ZNF280C: variants seen among roughly 807,000 people sequenced by gnomAD.
The protein encoded by ZNF280C is zinc finger protein 280C.
Under a neutral mutation model 53.6 loss-of-function variants are expected in ZNF280C, and 14 were observed. The ratio of observed to expected loss-of-function variants is 0.26; its 90% CI spans 0.17 to 0.41. The LOEUF is 0.41. Among genes scored for constraint, ZNF280C ranks in the 10% least tolerant of loss-of-function variants. The probability of loss-of-function intolerance (pLI) is 1.00; values close to 1 mark genes in which losing one functional copy is unlikely to be tolerated. For synonymous variants in ZNF280C, 203 were observed against 181.1 expected (o/e 1.12, Z -0.97); for missense variants, 416 against 547.1 (o/e 0.76, Z 2.39).
intron 2 of ZNF280C, among the ~76,000 whole-genome samples, chrX:130,256,982 C>T (rs995249913): frequency 3.7e-5 from 4 of 109,090 alleles, no homozygotes; most frequent in Admixed American, 9.9e-5. Context: ...AGGCAGATCA[C>T]GGGGTCAGGA....
At position 130,247,602 on chromosome X, in the gene ZNF280C, T is replaced by C. The variant is rs775361308; in HGVS notation, c.32-597A>G. ...GGCTAGACAGATAGATAATGAAGGA[T>C]AGTAGTCATTTACAGTGGCCAATAC... On this transcript the variant is annotated intron_variant, in intron 2 of 18. Transcript: ENST00000370978. Among the ~76,000 whole-genome samples, 20 of 111,780 alleles carry C rather than the reference T, an allele frequency of 1.8e-4. No individual in the cohort carries two copies. The South Asian group carries it at 7.5e-3, about 42-fold the overall frequency.
intron 2 of ZNF280C, among the ~76,000 whole-genome samples, chrX:130,252,857 A>G (rs1292747880): frequency 8.9e-6 from 1 of 112,284 alleles, no homozygotes; most frequent in African/African-American, 3.2e-5. Context: ...AACCAGCACA[A>G]GACAAGGATG....
chrX:130,221,300 CTAAG>C (rs2032161014), intron 12 of ZNF280C, among the ~76,000 whole-genome samples: 1 of 111,734 alleles, frequency 8.9e-6, no homozygotes, highest in African/African-American at 3.3e-5. Flanking sequence ...AAAATCTCAG[CTAAG>C]TAATAGACAG....
chrX:130,239,684 T>C lies in ZNF280C; in HGVS notation c.391A>G (p.Lys131Glu). Reference sequence around the variant, plus strand: ...TTATCCGATCCAACTTGTGAATTCTTTGTAAAATCCTGTAAAAATTTATAA... The same window carrying C: ...TTATCCGATCCAACTTGTGAATTCTCTGTAAAATCCTGTAAAAATTTATAA... The part of the protein sequence containing the change: ...VENASKPDFT[K>E]NSQVGSDNSS... Residue 131 changes from lysine to glutamate, a missense_variant, in exon 6 of 19, where the codon AAG (lysine) becomes GAG (glutamate). Physicochemically the swap from Lys to Glu is moderately conservative, Grantham distance 56 (BLOSUM62 1). Around this residue, in one of 3 missense-constraint regions of ZNF280C, gnomAD observed 193 missense variants for 201.4 expected, o/e 0.96. Transcript: ENST00000370978. The C allele has an allele frequency of 8.7e-7, 1 of 1,155,177 alleles. No homozygotes were observed. The highest frequency in any genetic ancestry group is 1.2e-6 in the Non-Finnish European group (1 of 846,825).
chrX:130,264,048 AAAG>A (rs373735789), intron 1 of ZNF280C, among the ~76,000 whole-genome samples: 3 of 101,057 alleles, frequency 3.0e-5, no homozygotes, highest in Admixed American at 1.1e-4. Flanking sequence ...AAAAGAAAAG[AAAG>A]AAAGAAAGAA....
intron 14 of ZNF280C, 48 bp downstream of exon 14, chrX:130,215,743 A>G: frequency 9.4e-7 from 1 of 1,062,422 alleles, no homozygotes; most frequent in Non-Finnish European, 1.3e-6. Flanking sequence ...GATAAATTAT[A>G]TACATAAGAT....
In ZNF280C at chrX:130,243,101, A is replaced by G. The variant is rs186687159; in HGVS notation, c.381+462T>C. On this transcript the variant is annotated intron_variant, in intron 5 of 18. Transcript: ENST00000370978. ...TATTATTTTGGGTTTTGGTTGAGTTATATCATAAAGATGGGGATTATTTTT... is the reference window on the plus strand; with the variant it reads ...TATTATTTTGGGTTTTGGTTGAGTTGTATCATAAAGATGGGGATTATTTTT... 2.5e-3 allele frequency among the ~76,000 whole-genome samples: 280 copies of G among 112,462 alleles called. 1 individual carries two copies. The highest frequency in any genetic ancestry group is 2.1e-3 in the Admixed American group (22 of 10,608).
At chrX:130,234,187 G>A (rs2032307934) in intron 8 of ZNF280C, among the ~76,000 whole-genome samples, 1 of 111,888 alleles carries the variant, frequency 8.9e-6, no homozygotes, top group African/African-American at 3.2e-5. Context: ...TGATTTGGGA[G>A]GGTTGAAAGT....
intron 2 of ZNF280C, among the ~76,000 whole-genome samples, chrX:130,251,302 A>AAAAAAAAAC (rs2032506526): frequency 9.7e-6 from 1 of 102,682 alleles, no homozygotes; most frequent in Non-Finnish European, 2.0e-5. Flanking sequence ...AAAAAAAAAA[A>AAAAAAAAAC]AAAAAGACCA....
chrX:130,216,173 G>A (rs992660601), intron 13 of ZNF280C, 72 bp from the exon 14 acceptor site: 54 of 946,001 alleles, frequency 5.7e-5, no homozygotes, highest in South Asian at 1.5e-4. Context: ...ATCATTGTAA[G>A]CCGTAAATAT....
intron 16 of ZNF280C, 36 bp downstream of exon 16, chrX:130,209,617 T>C (rs1399264300): frequency 8.8e-7 from 1 of 1,136,386 alleles, no homozygotes; most frequent in South Asian, 1.9e-5. Context: ...TACTGCAATA[T>C]TTCAATTGAA....
chrX:130,213,091 C>T (rs1201904680), intron 15 of ZNF280C, among the ~76,000 whole-genome samples: 1 of 110,556 alleles, frequency 9.0e-6, no homozygotes, highest in Non-Finnish European at 1.9e-5. Context: ...TGGTGGCTCA[C>T]GCCTGTAATC....
intron 6 of ZNF280C, among the ~76,000 whole-genome samples, chrX:130,239,311 A>T (rs1487827353): frequency 9.0e-6 from 1 of 111,477 alleles, no homozygotes; most frequent in Non-Finnish European, 1.9e-5. Context: ...AATTATATTA[A>T]GATTGTTCAG....
rs761373169 is a variant in ZNF280C, at chrX:130,246,896, A to C, written c.141T>G (p.Phe47Leu). 2.5e-6 allele frequency: 3 copies of C among 1,211,129 alleles called. No homozygotes were observed. The East Asian group carries it at 8.9e-5, about 36-fold the overall frequency. The change falls in exon 3 of 19, where the codon TTT (phenylalanine) becomes TTG (leucine). Residue 47 changes from phenylalanine (F) to leucine (L), a missense_variant. By Grantham distance (22) the Phe-to-Leu change is conservative (BLOSUM62 0). Coordinates refer to ENST00000370978, the MANE Select transcript of ZNF280C (RefSeq NM_017666.5). Reference sequence around the variant, plus strand: ...GTTTTGAACTTGATATCTCTCCAACAAAGATCAGTTCATCGTCATCCTCAT... The same window carrying C: ...GTTTTGAACTTGATATCTCTCCAACCAAGATCAGTTCATCGTCATCCTCAT... ...TQDEDDDELI[F>L]VGEISSSKPA...
At chrX:130,241,621 T>C (rs1409117141) in intron 5 of ZNF280C, among the ~76,000 whole-genome samples, 2 of 111,478 alleles carry the variant, frequency 1.8e-5, no homozygotes, top group South Asian at 7.6e-4. Context: ...CCAAATTAGC[T>C]GGGCATGGTG....
At chrX:130,240,410 A>G (rs755098417) in intron 5 of ZNF280C, among the ~76,000 whole-genome samples, 63 of 111,849 alleles carry the variant, frequency 5.6e-4, no homozygotes, top group Non-Finnish European at 1.0e-3. Flanking sequence ...CAATACTTTT[A>G]TAATGAGGAT....
chrX:130,255,733 T>C (rs1603246059), intron 2 of ZNF280C, among the ~76,000 whole-genome samples: 1 of 111,355 alleles, frequency 9.0e-6, no homozygotes, highest in African/African-American at 3.3e-5. Context: ...GGCAGGTGGA[T>C]CACTTGAGGC....
At chrX:130,258,960 G>C (rs1414938860) in intron 2 of ZNF280C, among the ~76,000 whole-genome samples, 1 of 111,763 alleles carries the variant, frequency 8.9e-6, no homozygotes, top group Non-Finnish European at 1.9e-5. Context: ...AGAGATTCAG[G>C]AAAATGCCAT....
chrX:130,204,886 C>T lies in ZNF280C; in HGVS notation c.*91G>A. 2 of 875,117 alleles carry T rather than the reference C, an allele frequency of 2.3e-6. No homozygotes were observed. The highest frequency in any genetic ancestry group is 3.1e-6 in the Non-Finnish European group (2 of 655,032). 72.1% of individuals were successfully genotyped at this position (875,117 alleles called of 1,213,427 possible). ...TGTCATAAACTTGGCTGTTTAACTG[C>T]CCTTTGTGTGAGAAAATACTTCAGA... is the stretch of plus-strand genomic sequence containing the variant. On this transcript the variant is annotated 3_prime_UTR_variant, in exon 19 of 19. Transcript: ENST00000370978.
Sources: allele counts gnomAD v4.1 joint callset (sites outside exome capture counted in the v4.1 genomes callset), GRCh38; gene constraint gnomAD v4.1.1; regional missense constraint gnomAD v4.1.1; transcripts MANE v1.5; gene names NCBI Gene and HGNC (gene_info 2026-07-23, HGNC 2026-07-21).